KIR3DL1: variants seen among roughly 807,000 people sequenced by gnomAD.
KIR3DL1 encodes killer cell immunoglobulin-like receptor 3DL1.
In KIR3DL1, 50 loss-of-function variants were observed where a neutral mutation model predicts 40.3. The observed-to-expected ratio is 1.24, with a 90% CI of 0.99 to 1.57. The LOEUF is 1.57. KIR3DL1 is among the 40% of genes most tolerant of loss of function. KIR3DL1 has a pLI of 0.00. For synonymous variants in KIR3DL1, 257 were observed against 207.2 expected (o/e 1.24, Z -2.07); for missense variants, 661 against 559.9 (o/e 1.18, Z -1.82).
At chr19:54,820,659 A>G (rs2061587816) in intron 4 of KIR3DL1, among the ~76,000 whole-genome samples, 1 of 151,376 alleles carries the variant, frequency 6.6e-6, no homozygotes, top group Non-Finnish European at 1.5e-5. Flanking sequence ...GCAAAGACAT[A>G]AACACACACA....
rs548471186 is a variant in KIR3DL1, at chr19:54,822,831, T to G, written c.949+973T>G. Among the ~76,000 whole-genome samples, 8 of 140,840 alleles carry G rather than the reference T, an allele frequency of 5.7e-5. 1 individual carries two copies. In the South Asian group the frequency reaches 1.8e-3, roughly 31 times the overall value. The allele number at this position is 140,840 out of a possible 152,430, so 92.4% of individuals were successfully genotyped here. On this transcript the variant is annotated intron_variant, in intron 5 of 8. Transcript: ENST00000391728. ...GACAGGATGTTATTGTTTCTATGGA[T>G]GAGTAGTCTCCACTGTGTGTGTGTA...
At chr19:54,826,920 G>A (rs2061926651) in intron 6 of KIR3DL1, among the ~76,000 whole-genome samples, 1 of 151,902 alleles carries the variant, frequency 6.6e-6, no homozygotes, top group Non-Finnish European at 1.5e-5. Context: ...CAAGGAGTGT[G>A]TGTTTGACAC....
At position 54,820,192 on chromosome 19, in the gene KIR3DL1, G is replaced by A. The variant is rs532761883; in HGVS notation, c.655+180G>A. ...CAGGAGACATAAGTACAGAACAGGT[G>A]TCATAACAGAGGACAGACACAGGGG... On this transcript the variant is annotated intron_variant, in intron 4 of 8. Coordinates refer to ENST00000391728, the Ensembl canonical transcript of KIR3DL1. 1.8e-3 allele frequency among the ~76,000 whole-genome samples: 276 copies of A among 151,438 alleles called. 10 individuals carry two copies. Among genetic ancestry groups the A allele is most frequent in the South Asian group, 0.017 (82 of 4,734 alleles).
chr19:54,825,040 G>C, exon 6 of KIR3DL1: 1 of 1,512,800 alleles, frequency 6.6e-7, no homozygotes, highest in Middle Eastern at 1.7e-4. Flanking sequence ...AACCCTTCAA[G>C]TAGTTGGCCT....
chr19:54,825,467 A>G lies in KIR3DL1; in HGVS notation c.1000+389A>G, dbSNP rs1472715989. 8.5e-4 allele frequency among the ~76,000 whole-genome samples: 122 copies of G among 143,360 alleles called. 1 individual carries two copies. Among genetic ancestry groups the G allele is most frequent in the African/African-American group, 2.7e-3 (101 of 36,924 alleles). 94.0% of individuals were successfully genotyped at this position (143,360 alleles called of 152,430 possible). Reference sequence around the variant, plus strand: ...AGAAGTTCCACTTGCCAAGGAATGAATTACTGTTGGTCATGAAGCAACCCT... The same window carrying G: ...AGAAGTTCCACTTGCCAAGGAATGAGTTACTGTTGGTCATGAAGCAACCCT... On this transcript the variant is annotated intron_variant, in intron 6 of 8. Transcript: ENST00000391728.
rs2061643017 is a variant in KIR3DL1 at position 54,821,659 on chromosome 19, T to G, written c.750T>G (p.Tyr250Ter). ...TGTCCTGTAGCTCCCGGAGCTCCTA[T>G]GACATGTACCATCTATCCAGGGAGG... The change falls in exon 5 of 9, where the codon TAT (tyrosine) becomes TAG (stop). Residue 250 changes from tyrosine (Y) to a stop codon, truncating the protein, a stop_gained. Coordinates refer to ENST00000391728, the Ensembl canonical transcript of KIR3DL1. LOFTEE classifies it high-confidence loss of function. The G allele has an allele frequency of 1.9e-6, 3 of 1,609,816 alleles. 1 individual carries two copies. The highest frequency in any genetic ancestry group is 2.5e-6 in the Non-Finnish European group (3 of 1,178,122).
At chr19:54,821,519 T>A (rs777105104) in intron 4 of KIR3DL1, 46 bp from the exon 5 acceptor site, 2 of 1,574,712 alleles carry the variant, frequency 1.3e-6, no homozygotes, top group Non-Finnish European at 8.6e-7. Context: ...AGGGGAGCTA[T>A]GACAAGGAAG....
chr19:54,830,064 T>C, intron 8 of KIR3DL1, 35 bp from the exon 9 acceptor site: 1 of 1,520,338 alleles, frequency 6.6e-7, no homozygotes, highest in Non-Finnish European at 8.9e-7. Flanking sequence ...TCACTCAGCA[T>C]TTCCCTCCCT....
chr19:54,819,672 TA>T (rs2061530567), intron 3 of KIR3DL1, 40 bp from the exon 4 acceptor site: 1 of 1,587,308 alleles, frequency 6.3e-7, no homozygotes. Context: ...GATGGGATGA[TA>T]AAGAGAGATG....
chr19:54,828,004 C>T lies in KIR3DL1; in HGVS notation c.1001-1357C>T, dbSNP rs62124149. Among the ~76,000 whole-genome samples the T allele has an allele frequency of 5.4e-4, 80 of 146,808 alleles. 2 individuals are homozygous for T. The highest frequency in any genetic ancestry group is 2.0e-3 in the African/African-American group (76 of 38,834). On this transcript the variant is annotated intron_variant, in intron 6 of 8. Transcript: ENST00000391728. ...CAGATCTTGGAATCAGAGATCAGTG[C>T]CAGCACTAGCTCCTGCTCCCCTTTC...
chr19:54,820,366 T>C (rs1321417815), intron 4 of KIR3DL1, among the ~76,000 whole-genome samples: 4 of 151,530 alleles, frequency 2.6e-5, no homozygotes, highest in Non-Finnish European at 5.9e-5. Context: ...CTCCACAAAG[T>C]GTTCCTACCA....
intron 3 of KIR3DL1, among the ~76,000 whole-genome samples, chr19:54,818,947 G>A (rs1280669803): frequency 6.6e-6 from 1 of 150,520 alleles, no homozygotes; most frequent in African/African-American, 2.5e-5. Context: ...GGAGGAAGAG[G>A]GGAGTGGGGA....
intron 6 of KIR3DL1, among the ~76,000 whole-genome samples, chr19:54,827,613 T>G (rs968043532): frequency 1.3e-5 from 2 of 150,502 alleles, no homozygotes; most frequent in African/African-American, 5.0e-5. Context: ...AGACTCCATC[T>G]CAAAAAATAA....
At chr19:54,819,369 G>C (rs2061515949) in intron 3 of KIR3DL1, among the ~76,000 whole-genome samples, 1 of 149,854 alleles carries the variant, frequency 6.7e-6, no homozygotes, top group African/African-American at 2.5e-5. Flanking sequence ...GTTCAAAAGA[G>C]ATTGATTCAG....
Position 54,817,587 on chromosome 19 carries a change from C to T in KIR3DL1, c.70+18C>T. The T allele has an allele frequency of 6.6e-7, 1 of 1,504,666 alleles. No homozygotes were observed. Among genetic ancestry groups the T allele is most frequent in the Admixed American group, 1.8e-5 (1 of 56,136 alleles). The allele number at this position is 1,504,666 out of a possible 1,614,324, so 93.2% of individuals were successfully genotyped here. ...ACACATGGGTGAGTCCTTCCCCAAA[C>T]CTTAGGGTGTCATCTCCCCACATAA... On this transcript the variant is annotated intron_variant, in intron 2 of 8. Transcript: ENST00000391728.
intron 6 of KIR3DL1, among the ~76,000 whole-genome samples, chr19:54,827,576 C>G (rs1441453788): frequency 1.3e-5 from 2 of 150,564 alleles, no homozygotes; most frequent in Non-Finnish European, 2.9e-5. Context: ...GATCGCATCA[C>G]TGCACTCCAG....
intron 6 of KIR3DL1, among the ~76,000 whole-genome samples, chr19:54,829,006 G>C (rs73618345): frequency 0.014 from 2,045 of 142,010 alleles, 210 homozygotes; most frequent in African/African-American, 0.049. Flanking sequence ...AACTAATAGA[G>C]AGGGAACTTG....
intron 4 of KIR3DL1, 83 bp downstream of exon 4, chr19:54,820,095 A>C: frequency 7.0e-7 from 1 of 1,419,748 alleles, no homozygotes; most frequent in Non-Finnish European, 9.8e-7. Context: ...GGTGGTCATG[A>C]GGAAGATAAG....
At chr19:54,819,614 G>A in intron 3 of KIR3DL1, 99 bp from the exon 4 acceptor site, 1 of 1,381,384 alleles carries the variant, frequency 7.2e-7, no homozygotes, top group Non-Finnish European at 9.9e-7. Context: ...AGAGGGAGGA[G>A]AGAGACAGAC....
Sources: gnomAD v4.1 joint callset for allele counts (sites outside exome capture counted in the v4.1 genomes callset) on GRCh38, gnomAD v4.1.1 for gene constraint, MANE v1.5 for transcripts, NCBI Gene and HGNC (gene_info 2026-07-23, HGNC 2026-07-21) for gene names.